The following NKAIN2 variants were observed in gnomAD, a reference collection of about 807,000 sequenced individuals.
NKAIN2 encodes the protein sodium/potassium-transporting ATPase subunit beta-1-interacting protein 2.
A neutral mutation model predicts 32.6 loss-of-function variants in NKAIN2; 14 were observed. That is an observed-to-expected ratio of 0.43 (90% CI 0.28 to 0.67). The LOEUF (loss-of-function observed/expected upper bound fraction) is 0.67. Among genes scored for constraint, NKAIN2 ranks in the 30% least tolerant of loss-of-function variants. The probability of loss-of-function intolerance (pLI) is 0.17; values close to 1 mark genes in which losing one functional copy is unlikely to be tolerated. For missense variants in NKAIN2, 198 were observed against 258.3 expected (o/e 0.77, Z 1.60); for synonymous variants, 80 against 87.2 (o/e 0.92, Z 0.46).
rs145617005 is a variant in NKAIN2 at position 124,182,302 on chromosome 6, G to A, written c.55-100703G>A. On this transcript the variant is annotated intron_variant, in intron 1 of 6. Transcript: ENST00000368417. Reference sequence around the variant, plus strand: ...AGCTACAACTCAAGATGAGATTTGGGTGGGGATACAGCCAAACAATATCAC... The same window carrying A: ...AGCTACAACTCAAGATGAGATTTGGATGGGGATACAGCCAAACAATATCAC... Among the ~76,000 whole-genome samples, 1,356 of 152,266 alleles carry A rather than the reference G, an allele frequency of 8.9e-3. 17 individuals are homozygous for A. Among genetic ancestry groups the A allele is most frequent in the African/African-American group, 0.031 (1,285 of 41,550 alleles).
chr6:124,092,688 TTCTAGCTC>T (rs1017535528), intron 1 of NKAIN2, among the ~76,000 whole-genome samples: 3 of 152,000 alleles, frequency 2.0e-5, no homozygotes, highest in Non-Finnish European at 2.9e-5. Flanking sequence ...CTAAATTTCT[TTCTAGCTC>T]TCATATGTTT....
intron 3 of NKAIN2, among the ~76,000 whole-genome samples, chr6:124,599,092 G>A (rs1451293505): frequency 6.6e-6 from 1 of 150,922 alleles, no homozygotes; most frequent in Non-Finnish European, 1.5e-5. Flanking sequence ...ATCATCACAG[G>A]GAGTGAAAAC....
At chr6:123,924,122 T>C (rs1021639702) in intron 1 of NKAIN2, among the ~76,000 whole-genome samples, 2 of 152,192 alleles carry the variant, frequency 1.3e-5, no homozygotes, top group Admixed American at 6.5e-5. Flanking sequence ...TCAAAGAATT[T>C]TCTATTCTTT....
At chr6:123,965,728 A>C (rs1404812291) in intron 1 of NKAIN2, among the ~76,000 whole-genome samples, 1 of 152,190 alleles carries the variant, frequency 6.6e-6, no homozygotes, top group Non-Finnish European at 1.5e-5. Context: ...GGCAGATTTC[A>C]AATGCCACTT....
chr6:124,821,294 CAAAA>C (rs11320821), intron 6 of NKAIN2, among the ~76,000 whole-genome samples: 2 of 88,862 alleles, frequency 2.3e-5, no homozygotes, highest in Admixed American at 2.3e-4. Flanking sequence ...GGCTCTGTCT[CAAAA>C]AAAAAAAAAA....
At chr6:124,681,914 AG>A (rs1773641771) in intron 4 of NKAIN2, among the ~76,000 whole-genome samples, 1 of 152,020 alleles carries the variant, frequency 6.6e-6, no homozygotes, top group South Asian at 2.1e-4. Flanking sequence ...GCACCAGTGA[AG>A]CAAATTTGCA....
chr6:124,055,295 C>T (rs932495638), intron 1 of NKAIN2, among the ~76,000 whole-genome samples: 1 of 151,948 alleles, frequency 6.6e-6, no homozygotes, highest in East Asian at 1.9e-4. Flanking sequence ...AATATAATAG[C>T]TCTATGAGAG....
At chr6:124,325,156 G>T (rs188278761) in intron 2 of NKAIN2, among the ~76,000 whole-genome samples, 1 of 152,126 alleles carries the variant, frequency 6.6e-6, no homozygotes, top group East Asian at 1.9e-4. Flanking sequence ...TTATTTAAAA[G>T]CTTCCATAAG....
chr6:124,648,927 A>G (rs1464892853), intron 3 of NKAIN2, among the ~76,000 whole-genome samples: 1 of 152,214 alleles, frequency 6.6e-6, no homozygotes, highest in Non-Finnish European at 1.5e-5. Context: ...AAATTGTAAA[A>G]TATTTTGAAC....
chr6:123,881,405 G>A (rs1187134123), intron 1 of NKAIN2, among the ~76,000 whole-genome samples: 1 of 152,158 alleles, frequency 6.6e-6, no homozygotes, highest in Non-Finnish European at 1.5e-5. Context: ...TCTTCCAACT[G>A]AATGAGAATC....
intron 1 of NKAIN2, among the ~76,000 whole-genome samples, chr6:123,851,553 T>C (rs945967198): frequency 1.3e-5 from 2 of 152,112 alleles, no homozygotes; most frequent in African/African-American, 4.8e-5. Context: ...GCCCAGCTGT[T>C]TTTTATTTTT....
chr6:123,844,106 G>T (rs1171725126), intron 1 of NKAIN2, among the ~76,000 whole-genome samples: 1 of 152,150 alleles, frequency 6.6e-6, no homozygotes, highest in African/African-American at 2.4e-5. Flanking sequence ...AGACAGGAGG[G>T]CAAGAGAAGG....
intron 4 of NKAIN2, among the ~76,000 whole-genome samples, chr6:124,716,966 C>T (rs1355239055): frequency 2.0e-5 from 3 of 152,166 alleles, no homozygotes; most frequent in Non-Finnish European, 2.9e-5. Context: ...AGCATAAATA[C>T]TTGTCGAAAG....
intron 4 of NKAIN2, among the ~76,000 whole-genome samples, chr6:124,766,181 G>A (rs890198992): frequency 3.3e-5 from 5 of 152,150 alleles, no homozygotes; most frequent in Non-Finnish European, 7.3e-5. Context: ...ACCTTTCCAT[G>A]AGGAGATGCC....
intron 3 of NKAIN2, among the ~76,000 whole-genome samples, chr6:124,411,744 G>A (rs1320803694): frequency 1.3e-5 from 2 of 152,136 alleles, no homozygotes; most frequent in African/African-American, 4.8e-5. Context: ...GCTAGATTGG[G>A]GAAGTTCTCC....
At chr6:124,518,578 A>T (rs1779009781) in intron 3 of NKAIN2, among the ~76,000 whole-genome samples, 1 of 152,030 alleles carries the variant, frequency 6.6e-6, no homozygotes, top group Admixed American at 6.6e-5. Flanking sequence ...ATCTCCTGAG[A>T]ACTCACTCAC....
At position 124,233,763 on chromosome 6, in the gene NKAIN2, A is replaced by G. The variant is rs376863205; in HGVS notation, c.55-49242A>G. Among the ~76,000 whole-genome samples the G allele has an allele frequency of 5.9e-5, 9 of 152,308 alleles. No individual in the cohort carries two copies. The South Asian group carries it at 1.9e-3, about 32-fold the overall frequency. ...CATAACATGTGATGTCTAGAGAAAG[A>G]ATGGGATTCTTCAAAAATTCTGCAG... On this transcript the variant is annotated intron_variant, in intron 1 of 6. Transcript: ENST00000368417.
At chr6:124,339,562 G>A (rs1798033490) in intron 2 of NKAIN2, among the ~76,000 whole-genome samples, 1 of 152,070 alleles carries the variant, frequency 6.6e-6, no homozygotes, top group Non-Finnish European at 1.5e-5. Flanking sequence ...CCCCCTCTCT[G>A]CTCTATCCTC....
chr6:124,160,846 C>T (rs1221241392), intron 1 of NKAIN2, among the ~76,000 whole-genome samples: 1 of 152,108 alleles, frequency 6.6e-6, no homozygotes, highest in African/African-American at 2.4e-5. Flanking sequence ...TGTGAGATGT[C>T]TGCTTTTCCA....
Sources: allele counts gnomAD v4.1 joint callset (sites outside exome capture counted in the v4.1 genomes callset), GRCh38; gene constraint gnomAD v4.1.1; transcripts MANE v1.5; gene names NCBI Gene and HGNC (gene_info 2026-07-23, HGNC 2026-07-21).